The following FAM241B variants were observed in gnomAD, a reference collection of about 807,000 sequenced individuals.
FAM241B encodes the protein family with sequence similarity 241 member B, also known as protein FAM241B.
FAM241B carries 7 observed loss-of-function variants against 9.3 expected under a neutral mutation model. That is an observed-to-expected ratio of 0.75 (90% CI 0.43 to 1.41). The LOEUF (loss-of-function observed/expected upper bound fraction) is 1.41, where lower values mean the gene tolerates loss of function less well. Among genes scored for constraint, FAM241B ranks in the 40% most tolerant of loss-of-function variants. The pLI is 0.01. For missense variants in FAM241B, 136 were observed against 159.6 expected (o/e 0.85, Z 0.80); for synonymous variants, 60 against 64.1 (o/e 0.94, Z 0.31).
chr10:69,630,855 A>G (rs1839806236), intron 1 of FAM241B, among the ~76,000 whole-genome samples: 1 of 152,108 alleles, frequency 6.6e-6, no homozygotes, highest in Admixed American at 6.5e-5. Flanking sequence ...GTTCCCTGCG[A>G]AGTGAGGGAC....
At chr10:69,630,691 A>T (rs1319946243) in intron 1 of FAM241B, 1 of 1,293,006 alleles carries the variant, frequency 7.7e-7, no homozygotes, top group Non-Finnish European at 1.0e-6. Context: ...TCTCCTGAGA[A>T]TGAATGGCCT....
At chr10:69,632,751 C>G (rs1399030990) in intron 3 of FAM241B, 39 bp from the exon 4 acceptor site, 2 of 1,598,212 alleles carry the variant, frequency 1.3e-6, no homozygotes, top group Non-Finnish European at 1.7e-6. Context: ...GTGCGTCAAC[C>G]CAATGATTCA....
At chr10:69,632,108 T>C (rs1022107012) in intron 3 of FAM241B, among the ~76,000 whole-genome samples, 3 of 151,888 alleles carry the variant, frequency 2.0e-5, no homozygotes, top group African/African-American at 7.3e-5. Flanking sequence ...TAAGAGTGGG[T>C]TGGATGACAG....
At chr10:69,630,463 G>C (rs1041091787) in intron 1 of FAM241B, 150 bp downstream of exon 1, 28 of 209,412 alleles carry the variant, frequency 1.3e-4, no homozygotes, top group Non-Finnish European at 2.2e-4. Context: ...CCGCGGGCCG[G>C]GCGCGCGGGT....
At position 69,631,548 on chromosome 10, in the gene FAM241B, G is replaced by A. The variant is rs1354729410; in HGVS notation, c.-36+1G>A. On this transcript the variant is annotated splice_donor_variant, in intron 2 of 3. Transcript: ENST00000373279. LOFTEE classifies it low-confidence loss of function (5UTR_SPLICE). ...GACTGCAAGCCTCCCTCAATTTCTG[G>A]TAAATTTTTTCCTTCAAGCTTTTTG... is the stretch of plus-strand genomic sequence containing the variant. 6.5e-7 allele frequency: 1 copy of A among 1,545,368 alleles called. No homozygotes were observed.
rs762044523 is a variant in FAM241B, at chr10:69,632,956, C to T, written c.263C>T (p.Pro88Leu). 15 of 1,614,048 alleles carry T rather than the reference C, an allele frequency of 9.3e-6. No homozygotes were observed. The highest frequency in any genetic ancestry group is 6.6e-5 in the South Asian group (6 of 91,086). Residue 88 changes from proline (P) to leucine (L), a missense_variant, in exon 4 of 4, where the codon CCG (proline) becomes CTG (leucine). Physicochemically the swap from Pro to Leu is moderately conservative, Grantham distance 98 (BLOSUM62 -3). Coordinates refer to ENST00000373279, the MANE Select transcript of FAM241B (RefSeq NM_145306.3). ...CATCTTGGCAACCATGCTGTGGAGC[C>T]GGTGACCTCCATCCTGCTCCTCTTC... ...QWHLGNHAVE[P>L]VTSILLLFLL...
intron 1 of FAM241B, chr10:69,630,518 G>A (rs1431987231): frequency 2.8e-6 from 2 of 712,280 alleles, no homozygotes; most frequent in South Asian, 2.3e-5. Flanking sequence ...AAGGGACTGC[G>A]CGCGACCACC....
chr10:69,633,222 G>C lies in FAM241B; in HGVS notation c.*163G>C, dbSNP rs1839862630. The C allele has an allele frequency of 1.3e-5, 14 of 1,093,510 alleles. No individual in the cohort carries two copies. The highest frequency in any genetic ancestry group is 1.8e-5 in the Non-Finnish European group (14 of 765,580). The allele number at this position is 1,093,510 out of a possible 1,614,324, so 67.7% of individuals were successfully genotyped here. A position where few individuals can be genotyped will look rare whatever the true frequency, so the allele number is the denominator to read the frequency against. ...TTGTGTTAAGCGTGAGGCAGAGGGA[G>C]ACGTTAGTCCAGCATTTCCAAAGTG... On this transcript the variant is annotated 3_prime_UTR_variant, in exon 4 of 4. Transcript: ENST00000373279.
At chr10:69,631,966 G>A in intron 3 of FAM241B, 127 bp downstream of exon 3, 1 of 1,274,152 alleles carries the variant, frequency 7.8e-7, no homozygotes, top group Non-Finnish European at 1.1e-6. Flanking sequence ...CAGAGAGCTG[G>A]GGAAGATGCA....
At position 69,633,193 on chromosome 10, in the gene FAM241B, C is replaced by T; in HGVS notation, c.*134C>T. ...AGAGGGGACCACAGGTGTGTGTTTCCCCTTTGTGTTAAGCGTGAGGCAGAG... is the reference window on the plus strand; with the variant it reads ...AGAGGGGACCACAGGTGTGTGTTTCTCCTTTGTGTTAAGCGTGAGGCAGAG... On this transcript the variant is annotated 3_prime_UTR_variant, in exon 4 of 4. Coordinates refer to ENST00000373279, the MANE Select transcript of FAM241B (RefSeq NM_145306.3). The T allele has an allele frequency of 2.3e-6, 3 of 1,321,808 alleles. No homozygotes were observed. Among genetic ancestry groups the T allele is most frequent in the African/African-American group, 1.5e-5 (1 of 68,556 alleles). The allele number at this position is 1,321,808 out of a possible 1,614,324, so 81.9% of individuals were successfully genotyped here. A position where few individuals can be genotyped will look rare whatever the true frequency, so the allele number is the denominator to read the frequency against.
Position 69,633,143 on chromosome 10 carries a change from G to C in FAM241B, c.*84G>C, listed in dbSNP as rs1589691847. 4 of 1,549,968 alleles carry C rather than the reference G, an allele frequency of 2.6e-6. 1 individual carries two copies. The Admixed American group carries it at 6.8e-5, about 27-fold the overall frequency. On this transcript the variant is annotated 3_prime_UTR_variant, in exon 4 of 4. Coordinates refer to ENST00000373279, the MANE Select transcript of FAM241B (RefSeq NM_145306.3). Reference sequence around the variant, plus strand: ...GAGCAGGCATATTTGGAGGGGATCTGGTGGTGCCTTGAAGGTATGATCAGA... The same window carrying C: ...GAGCAGGCATATTTGGAGGGGATCTCGTGGTGCCTTGAAGGTATGATCAGA...
intron 3 of FAM241B, among the ~76,000 whole-genome samples, chr10:69,632,086 G>A (rs1246934664): frequency 6.6e-6 from 1 of 152,162 alleles, no homozygotes; most frequent in African/African-American, 2.4e-5. Context: ...ACTGGAGCTA[G>A]CGTCTTTCTT....
At chr10:69,631,420 T>A in intron 1 of FAM241B, 60 bp from the exon 2 acceptor site, 1 of 1,334,630 alleles carries the variant, frequency 7.5e-7, no homozygotes, top group Non-Finnish European at 1.0e-6. Context: ...GGACTCAATG[T>A]CTGAAATCTT....
intron 3 of FAM241B, 91 bp downstream of exon 3, chr10:69,631,930 C>A (rs1839831169): frequency 1.3e-6 from 2 of 1,509,716 alleles, no homozygotes; most frequent in African/African-American, 1.4e-5. Flanking sequence ...TGGTCACTAA[C>A]CTTTTCTAGC....
chr10:69,630,490 G>T, intron 1 of FAM241B, 177 bp downstream of exon 1: 1 of 356,276 alleles, frequency 2.8e-6, no homozygotes, highest in African/African-American at 2.2e-5. Context: ...CCGGGCGGGG[G>T]CGCGATGACA....
chr10:69,632,361 G>A (rs1839841000), intron 3 of FAM241B, among the ~76,000 whole-genome samples: 1 of 151,874 alleles, frequency 6.6e-6, no homozygotes, highest in African/African-American at 2.4e-5. Context: ...AGGAGGCTGA[G>A]GCAGGAGAAT....
chr10:69,632,504 A>G (rs1419228802), intron 3 of FAM241B, among the ~76,000 whole-genome samples: 1 of 151,206 alleles, frequency 6.6e-6, no homozygotes, highest in East Asian at 2.0e-4. Flanking sequence ...ATGAGTATTA[A>G]AAATGCTGGC....
intron 1 of FAM241B, chr10:69,630,630 G>C: frequency 2.3e-6 from 3 of 1,297,536 alleles, no homozygotes; most frequent in Non-Finnish European, 3.0e-6. Context: ...GACCTTTTTC[G>C]GCATACATGT....
intron 2 of FAM241B, 22 bp downstream of exon 2, chr10:69,631,569 T>C (rs1449742948): frequency 6.5e-7 from 1 of 1,547,014 alleles, no homozygotes; most frequent in South Asian, 1.2e-5. Context: ...CCTTCAAGCT[T>C]TTTGAGGTCA....
Sources: gnomAD v4.1 joint callset for allele counts (sites outside exome capture counted in the v4.1 genomes callset) on GRCh38, gnomAD v4.1.1 for gene constraint, MANE v1.5 for transcripts, NCBI Gene and HGNC (gene_info 2026-07-23, HGNC 2026-07-21) for gene names.